The following PCSK1 variants were observed in gnomAD, a reference collection of about 807,000 sequenced individuals.
PCSK1 encodes the protein neuroendocrine convertase 1.
PCSK1 carries 56 observed loss-of-function variants against 90.6 expected under a neutral mutation model. That is an observed-to-expected ratio of 0.62 (90% CI 0.50 to 0.77). The LOEUF is 0.77. Among genes scored for constraint, PCSK1 ranks in the 30% least tolerant of loss-of-function variants. The probability of loss-of-function intolerance (pLI) is 0.00; values close to 1 mark genes in which losing one functional copy is unlikely to be tolerated. For synonymous variants in PCSK1, 348 were observed against 342.4 expected (o/e 1.02, Z -0.18); for missense variants, 801 against 932.6 (o/e 0.86, Z 1.84).
At chr5:96,405,610 G>A (rs766466898) in intron 9 of PCSK1, among the ~76,000 whole-genome samples, 1 of 152,196 alleles carries the variant, frequency 6.6e-6, no homozygotes, top group Non-Finnish European at 1.5e-5. Flanking sequence ...GGTTGAGGTT[G>A]CAGTGAGCCG....
chr5:96,412,755 T>TTTTTTGTTTTGTTTTG (rs1760807952), intron 6 of PCSK1, among the ~76,000 whole-genome samples: 1 of 141,320 alleles, frequency 7.1e-6, no homozygotes, highest in African/African-American at 2.9e-5. Flanking sequence ...CTGTGATGTT[T>TTTTTTGTTTTGTTTTG]TTTTTTTTTT....
chr5:96,419,449 A>C (rs73772393), intron 5 of PCSK1, among the ~76,000 whole-genome samples: 11,826 of 148,212 alleles, frequency 0.08, 550 homozygotes, highest in African/African-American at 0.1. Context: ...CTCTCTCTCT[A>C]TATATATATA....
In PCSK1 at chr5:96,410,939, C is replaced by A; in HGVS notation, c.930G>T (p.Gly310=). 1 of 1,613,960 alleles carries A rather than the reference C, an allele frequency of 6.2e-7. No individual in the cohort carries two copies. The highest frequency in any genetic ancestry group is 8.5e-7 in the Non-Finnish European group (1 of 1,180,004). ...AGTCACAATTATCTCCCTGACGCCC[C>A]CCGTTTCCCGAAGCCCAGACGAAGA... The part of the protein sequence containing the change: ...GSIFVWASGN[G]GRQGDNCDCD... Residue 310 remains glycine (G), a synonymous_variant, in exon 8 of 14, where the codon GGG becomes GGT. Transcript: ENST00000311106.
intron 4 of PCSK1, among the ~76,000 whole-genome samples, chr5:96,422,353 C>G (rs1761156261): frequency 6.6e-6 from 1 of 152,178 alleles, no homozygotes; most frequent in East Asian, 1.9e-4. Flanking sequence ...ACACTCATCT[C>G]TCTTATGAAT....
rs748656311 is a variant in PCSK1, at chr5:96,423,360, G to C, written c.496C>G (p.Leu166Val). 1 of 1,613,538 alleles carries C rather than the reference G, an allele frequency of 6.2e-7. No individual in the cohort carries two copies. Among genetic ancestry groups the C allele is most frequent in the Non-Finnish European group, 8.5e-7 (1 of 1,179,760 alleles). The part of the protein sequence containing the change: ...ITGKGVVITV[L>V]DDGLEWNHTD... The stretch of plus-strand genomic sequence containing the variant: ...TGATTCCACTCCAAACCATCATCCA[G>C]TACGGTGATAACAACTCCTTTGCCC... Residue 166 changes from leucine to valine, a missense_variant, in exon 4 of 14, where the codon CTG (leucine) becomes GTG (valine). Coordinates refer to ENST00000311106, the MANE Select transcript of PCSK1 (RefSeq NM_000439.5).
intron 1 of PCSK1, chr5:96,432,232 T>C (rs904991160): frequency 4.0e-6 from 4 of 991,072 alleles, no homozygotes; most frequent in African/African-American, 3.2e-5. Flanking sequence ...GTCGCGGGGA[T>C]AGATGGTCCC....
intron 6 of PCSK1, 57 bp downstream of exon 6, chr5:96,415,976 G>C (rs913522524): frequency 2.8e-6 from 3 of 1,056,802 alleles, no homozygotes; most frequent in East Asian, 2.4e-5. Context: ...CATTTACAAT[G>C]GGTGATGTAA....
At chr5:96,399,137 G>T in intron 10 of PCSK1, 101 bp from the exon 11 acceptor site, 1 of 838,312 alleles carries the variant, frequency 1.2e-6, no homozygotes, top group Non-Finnish European at 2.0e-6. Flanking sequence ...GCTCAACTAA[G>T]CTTTTTGTCA....
chr5:96,393,027 C>A lies in PCSK1; in HGVS notation c.2236G>T (p.Val746Leu). 6.2e-7 allele frequency: 1 copy of A among 1,614,148 alleles called. No homozygotes were observed. ...HRDDRLLQAL[V>L]DILNEEN Reference sequence around the variant, plus strand: ...TAATTTTCCTCATTCAGAATGTCCACCAGAGCTTGAAGCAGCCGGTCGTCT... The same window carrying A: ...TAATTTTCCTCATTCAGAATGTCCAACAGAGCTTGAAGCAGCCGGTCGTCT... The change falls in exon 14 of 14, where the codon GTG (valine) becomes TTG (leucine). Residue 746 changes from valine to leucine, a missense_variant. By Grantham distance (32) the Val-to-Leu change is conservative. Coordinates refer to ENST00000311106, the MANE Select transcript of PCSK1 (RefSeq NM_000439.5).
intron 9 of PCSK1, among the ~76,000 whole-genome samples, chr5:96,402,441 G>A (rs565464322): frequency 4.6e-5 from 7 of 152,196 alleles, no homozygotes; most frequent in Non-Finnish European, 8.8e-5. Context: ...AGGCCTCCTC[G>A]TGGAGAGAGG....
At chr5:96,432,225 G>T in intron 1 of PCSK1, 1 of 1,072,788 alleles carries the variant, frequency 9.3e-7, no homozygotes, top group Non-Finnish European at 1.4e-6. Context: ...CTAGAGAGTC[G>T]CGGGGATAGA....
chr5:96,425,243 G>C (rs896558398), intron 3 of PCSK1, among the ~76,000 whole-genome samples: 1 of 152,148 alleles, frequency 6.6e-6, no homozygotes, highest in Non-Finnish European at 1.5e-5. Flanking sequence ...AAACAGAAGA[G>C]AGGACACCCT....
intron 12 of PCSK1, among the ~76,000 whole-genome samples, 164 bp downstream of exon 12, chr5:96,397,172 C>T (rs957538253): frequency 4.6e-5 from 7 of 152,172 alleles, no homozygotes; most frequent in African/African-American, 7.2e-5. Flanking sequence ...ATATTATCTA[C>T]GTAACCAAGT....
chr5:96,422,226 G>C (rs1371067340), intron 4 of PCSK1, among the ~76,000 whole-genome samples: 3 of 152,106 alleles, frequency 2.0e-5, no homozygotes, highest in Non-Finnish European at 4.4e-5. Flanking sequence ...TGGGATATTG[G>C]AGTTGGAAGG....
At chr5:96,417,448 C>T (rs1254671583) in intron 5 of PCSK1, among the ~76,000 whole-genome samples, 1 of 151,784 alleles carries the variant, frequency 6.6e-6, no homozygotes, top group African/African-American at 2.4e-5. Context: ...ATCATGGGGC[C>T]CCTCCTCTCA....
intron 7 of PCSK1, among the ~76,000 whole-genome samples, chr5:96,411,762 A>G (rs1760761125): frequency 6.6e-6 from 1 of 152,244 alleles, no homozygotes; most frequent in African/African-American, 2.4e-5. Flanking sequence ...GCTAAAAGTA[A>G]TAAATTTCCA....
intron 8 of PCSK1, among the ~76,000 whole-genome samples, chr5:96,409,507 G>A (rs1003516626): frequency 1.3e-5 from 2 of 152,310 alleles, no homozygotes; most frequent in Admixed American, 6.5e-5. Context: ...GAATCCACCA[G>A]CTGTCTCTCC....
chr5:96,414,117 C>T (rs890701841), intron 6 of PCSK1, among the ~76,000 whole-genome samples: 5 of 145,796 alleles, frequency 3.4e-5, no homozygotes, highest in East Asian at 4.0e-4. Flanking sequence ...CCAGCCTGGG[C>T]GACAGAGTGA....
intron 3 of PCSK1, among the ~76,000 whole-genome samples, chr5:96,425,006 A>AG (rs1761242442): frequency 8.0e-6 from 1 of 124,928 alleles, no homozygotes; most frequent in East Asian, 2.1e-4. Context: ...AGAGAAAGAA[A>AG]GAAAAGAAAG....
Sources: allele counts gnomAD v4.1 joint callset (sites outside exome capture counted in the v4.1 genomes callset), GRCh38; gene constraint gnomAD v4.1.1; transcripts MANE v1.5; gene names NCBI Gene and HGNC (gene_info 2026-07-23, HGNC 2026-07-21).